SMYD3: variants seen among roughly 807,000 people sequenced by gnomAD.
SMYD3 encodes the protein histone-lysine N-methyltransferase SMYD3.
SMYD3 carries 36 observed loss-of-function variants against 57.7 expected under a neutral mutation model. The ratio of observed to expected loss-of-function variants is 0.62; its 90% CI spans 0.48 to 0.82. The LOEUF is 0.82. Ranked by LOEUF, SMYD3 falls within the 40% of genes least tolerant of loss-of-function variation. SMYD3 has a pLI of 0.00. For missense variants in SMYD3, 515 were observed against 538.8 expected, an observed-to-expected ratio of 0.96 and a Z score of 0.44; for synonymous variants, 211 against 195.0, an observed-to-expected ratio of 1.08 and a Z score of -0.68.
intron 5 of SMYD3, chr1:246,052,757 C>T (rs770159736): frequency 3.3e-5 from 5 of 152,218 alleles, no homozygotes; most frequent in Non-Finnish European, 5.9e-5. Flanking sequence ...CATTTGTTGG[C>T]TCTGTAACGC....
chr1:246,168,229 C>T (rs1045957806), intron 5 of SMYD3, among the ~76,000 whole-genome samples: 1 of 152,084 alleles, frequency 6.6e-6, no homozygotes, highest in African/African-American at 2.4e-5. Flanking sequence ...TAAAATGTTT[C>T]AAAAGCCAAT....
At position 245,751,179 on chromosome 1, in the gene SMYD3, G is replaced by A. The variant is rs929603057; in HGVS notation, c.1186-1515C>T. ...CTGGAAATTTAGATCACCTCCAATTGTTTATTAGGATATGATGCAGACCTT... is the reference window on the plus strand; with the variant it reads ...CTGGAAATTTAGATCACCTCCAATTATTTATTAGGATATGATGCAGACCTT... On this transcript the variant is annotated intron_variant, in intron 11 of 11. Transcript: ENST00000490107. Among the ~76,000 whole-genome samples, 3 of 152,280 alleles carry A rather than the reference G, an allele frequency of 2.0e-5. No homozygotes were observed. In the South Asian group the frequency reaches 6.2e-4, roughly 32 times the overall value.
chr1:246,156,260 A>G (rs555420659), intron 5 of SMYD3, among the ~76,000 whole-genome samples: 61 of 152,354 alleles, frequency 4.0e-4, no homozygotes, highest in Middle Eastern at 6.8e-3. Flanking sequence ...AATGGGCAAG[A>G]AAAAAGTGAA....
At chr1:245,811,931 G>A (rs1039187001) in intron 10 of SMYD3, among the ~76,000 whole-genome samples, 1 of 152,188 alleles carries the variant, frequency 6.6e-6, no homozygotes, top group Non-Finnish European at 1.5e-5. Flanking sequence ...ACATGGGTCT[G>A]TGTCCACTCC....
chr1:245,783,779 G>T (rs910924601), intron 10 of SMYD3, among the ~76,000 whole-genome samples: 5 of 152,044 alleles, frequency 3.3e-5, no homozygotes, highest in South Asian at 2.1e-4. Context: ...AAAAAACACA[G>T]TAACACAAAA....
intron 5 of SMYD3, among the ~76,000 whole-genome samples, chr1:246,208,434 T>G (rs1421917066): frequency 6.6e-6 from 1 of 152,136 alleles, no homozygotes; most frequent in East Asian, 1.9e-4. Context: ...ATATTCTGAA[T>G]AGTTCACTTC....
intron 5 of SMYD3, among the ~76,000 whole-genome samples, chr1:246,051,166 T>C (rs1345492234): frequency 6.6e-6 from 1 of 150,544 alleles, no homozygotes; most frequent in Non-Finnish European, 1.5e-5. Context: ...GGTCCCACTC[T>C]GCCACCCAGG....
chr1:246,153,986 A>T (rs2061982740), intron 5 of SMYD3, among the ~76,000 whole-genome samples: 3 of 152,160 alleles, frequency 2.0e-5, no homozygotes, highest in Admixed American at 1.3e-4. Context: ...TGACCTCTTA[A>T]ATGCAAAGTG....
At chr1:246,409,077 C>G (rs2102981740) in intron 1 of SMYD3, among the ~76,000 whole-genome samples, 1 of 152,144 alleles carries the variant, frequency 6.6e-6, no homozygotes, top group Admixed American at 6.5e-5. Context: ...TGGATATTAG[C>G]CCTTTGTCAG....
At position 245,929,185 on chromosome 1, in the gene SMYD3, T is replaced by C. The variant is rs367679313; in HGVS notation, c.599+685A>G. Among the ~76,000 whole-genome samples the C allele has an allele frequency of 2.0e-5, 3 of 152,344 alleles. No homozygotes were observed. The East Asian group carries it at 5.8e-4, about 29-fold the overall frequency. On this transcript the variant is annotated intron_variant, in intron 6 of 11. Coordinates refer to ENST00000490107, the MANE Select transcript of SMYD3 (RefSeq NM_001167740.2). The stretch of plus-strand genomic sequence containing the variant: ...CATGCTTTGAATCATCCTATGTTAC[T>C]GCCTTTTGAGAACCACCTACCAGTA...
At chr1:246,146,897 C>T (rs2061851723) in intron 5 of SMYD3, among the ~76,000 whole-genome samples, 1 of 152,144 alleles carries the variant, frequency 6.6e-6, no homozygotes, top group South Asian at 2.1e-4. Flanking sequence ...ATGGTGTCGT[C>T]CAATCACTGC....
At chr1:245,831,422 G>A (rs1399220864) in intron 10 of SMYD3, among the ~76,000 whole-genome samples, 1 of 152,190 alleles carries the variant, frequency 6.6e-6, no homozygotes, top group Non-Finnish European at 1.5e-5. Context: ...ATATTTCGGG[G>A]TAAACCAGGT....
At chr1:245,845,987 G>A (rs1191014820) in intron 10 of SMYD3, among the ~76,000 whole-genome samples, 1 of 152,212 alleles carries the variant, frequency 6.6e-6, no homozygotes, top group African/African-American at 2.4e-5. Context: ...TTGGGTGTGA[G>A]ACCCACAAAG....
chr1:245,793,250 AGT>A (rs1558344742), intron 10 of SMYD3, among the ~76,000 whole-genome samples: 1 of 151,908 alleles, frequency 6.6e-6, no homozygotes, highest in Non-Finnish European at 1.5e-5. Context: ...CGGAGCTTGA[AGT>A]GAGCCGAGAT....
chr1:246,335,608 A>T (rs1448461176), intron 2 of SMYD3, 134 bp from the exon 3 acceptor site: 2 of 675,590 alleles, frequency 3.0e-6, no homozygotes, highest in Non-Finnish European at 5.0e-6. Context: ...AAATAAAAGC[A>T]ATATTCTAAA....
intron 1 of SMYD3, among the ~76,000 whole-genome samples, chr1:246,432,399 A>G (rs1054204167): frequency 2.0e-5 from 3 of 152,240 alleles, no homozygotes; most frequent in Admixed American, 2.0e-4. Context: ...AAGATTTTAA[A>G]GGAGGTGGAG....
chr1:246,153,502 C>CT (rs2061976169), intron 5 of SMYD3, among the ~76,000 whole-genome samples: 1 of 152,162 alleles, frequency 6.6e-6, no homozygotes, highest in Non-Finnish European at 1.5e-5. Context: ...GGGTTTCACT[C>CT]TGTCACCCAG....
chr1:246,389,757 A>G (rs1174972735), intron 1 of SMYD3, among the ~76,000 whole-genome samples: 1 of 99,770 alleles, frequency 1.0e-5, no homozygotes, highest in Non-Finnish European at 2.2e-5. Context: ...TTTCTAGAGG[A>G]CCTCCTTGTA....
At chr1:246,293,115 CA>C (rs1422172805) in intron 5 of SMYD3, among the ~76,000 whole-genome samples, 3 of 151,734 alleles carry the variant, frequency 2.0e-5, no homozygotes, top group Admixed American at 6.6e-5. Context: ...GGCCAATTTG[CA>C]TCTCCTCACC....
Sources: gnomAD v4.1 joint callset for allele counts (sites outside exome capture counted in the v4.1 genomes callset) on GRCh38, gnomAD v4.1.1 for gene constraint, MANE v1.5 for transcripts, NCBI Gene and HGNC (gene_info 2026-07-23, HGNC 2026-07-21) for gene names.